Variants in RBFOX1 observed in about 807,000 individuals in gnomAD.
RBFOX1 encodes RNA binding fox-1 homolog 1.
In RBFOX1, 8 loss-of-function variants were observed where a neutral mutation model predicts 57.7. The ratio of observed to expected loss-of-function variants is 0.14; its 90% CI spans 0.08 to 0.25. RBFOX1 has a LOEUF of 0.25. Ranked by LOEUF, RBFOX1 falls within the 10% of genes least tolerant of loss-of-function variation. RBFOX1 has a pLI of 1.00. For synonymous variants in RBFOX1, 326 were observed against 222.4 expected, an observed-to-expected ratio of 1.47 and a Z score of -4.15; for missense variants, 611 against 548.5, an observed-to-expected ratio of 1.11 and a Z score of -1.14.
At chr16:7,278,906 A>G (rs913340383) in intron 4 of RBFOX1, among the ~76,000 whole-genome samples, 2 of 152,182 alleles carry the variant, frequency 1.3e-5, no homozygotes, top group Non-Finnish European at 2.9e-5. Flanking sequence ...GACCGGGGCT[A>G]GAGAGTGAAG....
At chr16:5,902,274 A>C (rs1341679095) in intron 4 of RBFOX1, among the ~76,000 whole-genome samples, 1 of 152,162 alleles carries the variant, frequency 6.6e-6, no homozygotes, top group Non-Finnish European at 1.5e-5. Context: ...TCTGCACCCT[A>C]GCCTAAGAGC....
intron 2 of RBFOX1, among the ~76,000 whole-genome samples, chr16:6,611,321 A>G (rs763310432): frequency 1.3e-5 from 2 of 152,090 alleles, no homozygotes; most frequent in Non-Finnish European, 2.9e-5. Flanking sequence ...TAATTTTTGT[A>G]TTTTTAGTAG....
intron 3 of RBFOX1, among the ~76,000 whole-genome samples, chr16:5,712,425 A>G (rs1308575215): frequency 6.6e-6 from 1 of 152,192 alleles, no homozygotes; most frequent in Non-Finnish European, 1.5e-5. Context: ...ACCTGCCAGG[A>G]CCAGTTATTG....
intron 3 of RBFOX1, among the ~76,000 whole-genome samples, chr16:5,754,244 G>A (rs1300384965): frequency 1.3e-5 from 2 of 152,148 alleles, no homozygotes; most frequent in Non-Finnish European, 2.9e-5. Context: ...GGTAATAATG[G>A]TACCTTCCCT....
intron 3 of RBFOX1, among the ~76,000 whole-genome samples, chr16:5,782,532 C>T (rs1314297182): frequency 1.3e-5 from 2 of 152,200 alleles, no homozygotes; most frequent in East Asian, 1.9e-4. Flanking sequence ...TGGGCAAATA[C>T]ATCTAGATCA....
At chr16:5,603,172 G>A (rs2047424460), downstream of RBFOX1, among the ~76,000 whole-genome samples, 1 of 152,264 alleles carries the variant, frequency 6.6e-6, no homozygotes, top group East Asian at 1.9e-4. Flanking sequence ...GCTTTCCCTG[G>A]ATGCAGAAAG....
chr16:5,567,242 G>A (rs1245094699), intron 2 of RBFOX1, among the ~76,000 whole-genome samples: 1 of 152,238 alleles, frequency 6.6e-6, no homozygotes, highest in Admixed American at 6.5e-5. Context: ...CGTATCCTGT[G>A]TGGATATCCC....
chr16:5,727,571 G>A (rs1196877004), intron 3 of RBFOX1, among the ~76,000 whole-genome samples: 1 of 152,114 alleles, frequency 6.6e-6, no homozygotes, highest in African/African-American at 2.4e-5. Context: ...TGTATATCCG[G>A]TCTCCAGAAC....
chr16:5,466,410 C>G (rs1014915146), intron 1 of RBFOX1, among the ~76,000 whole-genome samples: 1 of 151,950 alleles, frequency 6.6e-6, no homozygotes, highest in Non-Finnish European at 1.5e-5. Flanking sequence ...GGGTCCTGAC[C>G]CAACGGAGGT....
At chr16:5,535,399 C>T (rs1245282056) in intron 2 of RBFOX1, among the ~76,000 whole-genome samples, 3 of 152,148 alleles carry the variant, frequency 2.0e-5, no homozygotes, top group African/African-American at 7.2e-5. Flanking sequence ...TTATCAGATT[C>T]TAAAAATGTA....
chr16:6,316,717 G>A (rs769228935), intron 1 of RBFOX1, among the ~76,000 whole-genome samples: 35 of 152,144 alleles, frequency 2.3e-4, no homozygotes, highest in Non-Finnish European at 4.3e-4. Context: ...GTACATGCAT[G>A]TCTTGTCAAC....
At chr16:7,003,267 T>A (rs1280953680) in intron 3 of RBFOX1, among the ~76,000 whole-genome samples, 1 of 151,944 alleles carries the variant, frequency 6.6e-6, no homozygotes, top group Non-Finnish European at 1.5e-5. Context: ...AAGACCATCC[T>A]GGCCAACATG....
chr16:5,656,312 G>A (rs1286922783), intron 3 of RBFOX1, among the ~76,000 whole-genome samples: 1 of 152,114 alleles, frequency 6.6e-6, no homozygotes, highest in Non-Finnish European at 1.5e-5. Context: ...CAGTGCAGAG[G>A]CGAGCATATC....
intron 1 of RBFOX1, among the ~76,000 whole-genome samples, chr16:5,433,385 C>T (rs778098302): frequency 2.0e-5 from 3 of 152,124 alleles, no homozygotes; most frequent in Non-Finnish European, 4.4e-5. Context: ...AATTTGAAGC[C>T]ACATGCGTGC....
At chr16:7,694,394 AAAGG>A (rs1318307626) in intron 14 of RBFOX1, among the ~76,000 whole-genome samples, 3 of 152,196 alleles carry the variant, frequency 2.0e-5, no homozygotes, top group Non-Finnish European at 4.4e-5. Context: ...TGAATGAATG[AAAGG>A]AAGGACAGAG....
intron 1 of RBFOX1, among the ~76,000 whole-genome samples, chr16:5,243,042 C>G (rs1441920018): frequency 9.9e-5 from 15 of 151,700 alleles, no homozygotes; most frequent in Admixed American, 2.6e-4. Flanking sequence ...TCAGAAGTTT[C>G]ACTGGCTTCT....
At chr16:6,612,581 G>C (rs2098077703) in intron 2 of RBFOX1, among the ~76,000 whole-genome samples, 1 of 152,148 alleles carries the variant, frequency 6.6e-6, no homozygotes, top group Admixed American at 6.5e-5. Flanking sequence ...CCCGGGTGTA[G>C]TTGGTCACAC....
At chr16:5,803,543 G>A (rs1264056745) in intron 3 of RBFOX1, among the ~76,000 whole-genome samples, 2 of 152,126 alleles carry the variant, frequency 1.3e-5, no homozygotes, top group Admixed American at 6.5e-5. Flanking sequence ...AATCATGACC[G>A]TGAAGCATAT....
At chr16:6,058,147 G>A (rs762661044) in intron 1 of RBFOX1, among the ~76,000 whole-genome samples, 10 of 152,066 alleles carry the variant, frequency 6.6e-5, no homozygotes, top group Non-Finnish European at 1.5e-4. Context: ...GGTCGGGGGT[G>A]GAATGGAGAA....
Sources: allele counts gnomAD v4.1 joint callset (sites outside exome capture counted in the v4.1 genomes callset), GRCh38; gene constraint gnomAD v4.1.1; transcripts MANE v1.5; gene names NCBI Gene and HGNC (gene_info 2026-07-23, HGNC 2026-07-21).